The following COL11A1 variants were observed in gnomAD, a reference collection of about 807,000 sequenced individuals.
COL11A1 encodes collagen type XI alpha 1 chain, also known as collagen alpha-1(XI) chain.
COL11A1 carries 74 observed loss-of-function variants against 265.2 expected under a neutral mutation model. The observed-to-expected ratio is 0.28, with a 90% confidence interval of 0.23 to 0.34. The LOEUF (loss-of-function observed/expected upper bound fraction) is 0.34, where lower values mean the gene tolerates loss of function less well. Ranked by LOEUF, COL11A1 falls within the 10% of genes least tolerant of loss-of-function variation. The probability of loss-of-function intolerance (pLI) is 1.00; values close to 1 mark genes in which losing one functional copy is unlikely to be tolerated. For missense variants in COL11A1, 2,165 were observed against 2,263.6 expected (o/e 0.96, Z 0.88); for synonymous variants, 816 against 727.6 (o/e 1.12, Z -1.96).
rs71664966 is a variant in COL11A1, at chr1:103,031,236, A to G, written c.660T>C (p.Ile220=). Residue 220 remains isoleucine (I), a synonymous_variant, in exon 5 of 67, where the codon ATT becomes ATC. Transcript: ENST00000370096. Reference sequence around the variant, plus strand: ...GATCACCTGTGATCAAAAACTGCTGAATGTCCCCCTGGGAAAAAAAAAAAA... The same window carrying G: ...GATCACCTGTGATCAAAAACTGCTGGATGTCCCCCTGGGAAAAAAAAAAAA... ...ILDEEVFEGD[I]QQFLITGDPK... is the part of the protein sequence containing the mutation. 0.067 allele frequency: 104,245 copies of G among 1,560,958 alleles called. 3,699 individuals are homozygous for G. The highest frequency in any genetic ancestry group is 0.14 in the African/African-American group (9,049 of 66,726).
chr1:102,904,986 A>G (rs1653739504), intron 54 of COL11A1, among the ~76,000 whole-genome samples: 1 of 152,106 alleles, frequency 6.6e-6, no homozygotes, highest in Non-Finnish European at 1.5e-5. Context: ...ATGTCTGACA[A>G]CAATAGACTG....
At chr1:103,045,258 C>CAATG (rs1669153055) in intron 4 of COL11A1, among the ~76,000 whole-genome samples, 1 of 152,086 alleles carries the variant, frequency 6.6e-6, no homozygotes, top group Non-Finnish European at 1.5e-5. Flanking sequence ...AAATGAAATG[C>CAATG]CACTGGAAGA....
chr1:102,914,008 T>A (rs1655010659), intron 52 of COL11A1, among the ~76,000 whole-genome samples: 2 of 152,162 alleles, frequency 1.3e-5, no homozygotes, highest in Non-Finnish European at 2.9e-5. Flanking sequence ...TAGTTTGAAA[T>A]AGGATTTGCA....
intron 37 of COL11A1, among the ~76,000 whole-genome samples, chr1:102,967,948 G>T (rs1263034000): frequency 6.6e-6 from 1 of 152,156 alleles, no homozygotes; most frequent in African/African-American, 2.4e-5. Flanking sequence ...CATCCTAAGG[G>T]GAGAGAGGAA....
intron 24 of COL11A1, chr1:103,001,015 A>G: frequency 2.5e-6 from 1 of 393,338 alleles, no homozygotes; most frequent in Non-Finnish European, 4.5e-6. Context: ...ACACATTCAT[A>G]TGATTAAATC....
At position 103,002,776 on chromosome 1, in the gene COL11A1, C is replaced by G; in HGVS notation, c.2014G>C (p.Asp672His). ...TTCCCTTTTGGTCCTGGGGGGCCATCTACACCTGCCATACCCTGCAATGAA... is the reference window on the plus strand; with the variant it reads ...TTCCCTTTTGGTCCTGGGGGGCCATGTACACCTGCCATACCCTGCAATGAA... ...APGQPGMAGV[D>H]GPPGPKGNMG... Residue 672 changes from aspartate to histidine, a missense_variant, in exon 22 of 67, where the codon GAT becomes CAT. Coordinates refer to ENST00000370096, the MANE Select transcript of COL11A1 (RefSeq NM_001854.4). 2 of 1,613,334 alleles carry G rather than the reference C, an allele frequency of 1.2e-6. No individual in the cohort carries two copies. The highest frequency in any genetic ancestry group is 1.7e-6 in the Non-Finnish European group (2 of 1,179,348).
intron 36 of COL11A1, 54 bp downstream of exon 36, chr1:102,974,776 C>G: frequency 7.1e-7 from 1 of 1,407,674 alleles, no homozygotes; most frequent in East Asian, 2.3e-5. Context: ...CTGTGACTCT[C>G]AAAAATGTAA....
intron 46 of COL11A1, among the ~76,000 whole-genome samples, chr1:102,932,414 T>C (rs1056534916): frequency 3.9e-5 from 6 of 152,230 alleles, no homozygotes; most frequent in Non-Finnish European, 7.3e-5. Context: ...ATGTTGAATA[T>C]TGGCCCCCAC....
chr1:102,951,647 G>C (rs2061708), intron 41 of COL11A1, among the ~76,000 whole-genome samples: 83,233 of 151,932 alleles, frequency 0.55, 23,902 homozygotes, highest in East Asian at 0.91. Context: ...GGCTGAGGCA[G>C]GAGAATAGCG....
intron 44 of COL11A1, among the ~76,000 whole-genome samples, chr1:102,936,569 C>T (rs1329371676): frequency 1.3e-5 from 2 of 152,154 alleles, no homozygotes; most frequent in African/African-American, 4.8e-5. Context: ...AATGTCTCAT[C>T]TGCCATTGCA....
chr1:102,982,736 T>C (rs1274454029), intron 31 of COL11A1, among the ~76,000 whole-genome samples: 1 of 152,036 alleles, frequency 6.6e-6, no homozygotes, highest in Non-Finnish European at 1.5e-5. Context: ...GAAAAAATTG[T>C]AAGACAAAGC....
intron 4 of COL11A1, among the ~76,000 whole-genome samples, chr1:103,034,371 T>G (rs1668204159): frequency 1.3e-5 from 2 of 150,614 alleles, no homozygotes; most frequent in African/African-American, 4.9e-5. Context: ...GTCAACTTTT[T>G]TTAATGTATT....
At chr1:103,084,595 G>T in intron 1 of COL11A1, among the ~76,000 whole-genome samples, 1 of 135,876 alleles carries the variant, frequency 7.4e-6, no homozygotes. Flanking sequence ...ATGCCATTTA[G>T]AAAAAAAAAA....
At chr1:103,043,216 T>C (rs751891797) in intron 4 of COL11A1, among the ~76,000 whole-genome samples, 62 of 93,996 alleles carry the variant, frequency 6.6e-4, no homozygotes, top group Middle Eastern at 6.3e-3. Flanking sequence ...ATATATGAAA[T>C]ATATATATAA....
intron 54 of COL11A1, among the ~76,000 whole-genome samples, chr1:102,911,486 A>C (rs1654673637): frequency 6.6e-6 from 1 of 152,152 alleles, no homozygotes; most frequent in Non-Finnish European, 1.5e-5. Flanking sequence ...TGCCGGTTTG[A>C]AAATAGACTG....
Position 103,108,517 on chromosome 1 carries a change from G to A in COL11A1, c.-339C>T. ...TGTGTGCCCCTAAAGGCTTCATGCC[G>A]TCAGTGGGCTGGACGAGTGGCTCCG... On this transcript the variant is annotated 5_prime_UTR_variant, in exon 1 of 67. In the 5' UTR this introduces an upstream ATG that the reference lacks. Transcript: ENST00000370096. The A allele has an allele frequency of 1.8e-6, 1 of 552,612 alleles. No homozygotes were observed. Among genetic ancestry groups the A allele is most frequent in the Non-Finnish European group, 3.2e-6 (1 of 313,542 alleles). The allele number at this position is 552,612 out of a possible 1,614,324, so 34.2% of individuals were successfully genotyped here.
intron 5 of COL11A1, among the ~76,000 whole-genome samples, chr1:103,029,662 C>A (rs151186419): frequency 1.3e-5 from 2 of 152,104 alleles, no homozygotes; most frequent in African/African-American, 4.8e-5. Flanking sequence ...TCTACTGTAA[C>A]AATGTGCTGT....
intron 4 of COL11A1, among the ~76,000 whole-genome samples, chr1:103,043,713 G>A (rs1669019682): frequency 6.6e-6 from 1 of 152,024 alleles, no homozygotes; most frequent in African/African-American, 2.4e-5. Flanking sequence ...TTATTCCAGT[G>A]TTTGGAGTCA....
chr1:103,059,596 C>T (rs1489560575), intron 4 of COL11A1, among the ~76,000 whole-genome samples: 2 of 151,972 alleles, frequency 1.3e-5, no homozygotes, highest in Non-Finnish European at 2.9e-5. Flanking sequence ...AACTATGATT[C>T]CCGTGCTAAG....
Sources: allele counts gnomAD v4.1 joint callset (sites outside exome capture counted in the v4.1 genomes callset), GRCh38; gene constraint gnomAD v4.1.1; transcripts MANE v1.5; gene names NCBI Gene and HGNC (gene_info 2026-07-23, HGNC 2026-07-21).